MAGI1: variants seen among roughly 807,000 people sequenced by gnomAD.
The protein encoded by MAGI1 is membrane-associated guanylate kinase, WW and PDZ domain-containing protein 1.
In MAGI1, 58 loss-of-function variants were observed where a neutral mutation model predicts 139.9. The ratio of observed to expected loss-of-function variants is 0.41; its 90% CI spans 0.34 to 0.52. The LOEUF is 0.52. Among genes scored for constraint, MAGI1 ranks in the 20% least tolerant of loss-of-function variants. The pLI is 0.12. For synonymous variants in MAGI1, 812 were observed against 737.9 expected, an observed-to-expected ratio of 1.10 and a Z score of -1.63; for missense variants, 1,874 against 1,901.6, an observed-to-expected ratio of 0.99 and a Z score of 0.27.
At chr3:65,658,494 C>T (rs1041324941) in intron 1 of MAGI1, among the ~76,000 whole-genome samples, 4 of 152,192 alleles carry the variant, frequency 2.6e-5, no homozygotes, top group African/African-American at 9.7e-5. Context: ...GTAACACTGA[C>T]TGAACAACTG....
chr3:65,360,763 T>G, intron 22 of MAGI1: 2 of 1,011,956 alleles, frequency 2.0e-6, no homozygotes, highest in Non-Finnish European at 2.4e-6. Flanking sequence ...TCATGCCTCT[T>G]AAATAAAGAC....
At chr3:65,814,159 A>G (rs990201554) in intron 1 of MAGI1, among the ~76,000 whole-genome samples, 2 of 152,120 alleles carry the variant, frequency 1.3e-5, no homozygotes, top group Admixed American at 1.3e-4. Flanking sequence ...AGTAGCTGCT[A>G]AAGATATAGA....
intron 1 of MAGI1, among the ~76,000 whole-genome samples, chr3:65,759,443 T>G (rs1332742457): frequency 1.3e-5 from 2 of 152,208 alleles, no homozygotes; most frequent in Non-Finnish European, 2.9e-5. Flanking sequence ...TTGTTATTCT[T>G]ATTACTGGGA....
At chr3:65,401,270 A>G (rs1944866416) in intron 13 of MAGI1, among the ~76,000 whole-genome samples, 169 bp downstream of exon 13, 1 of 152,152 alleles carries the variant, frequency 6.6e-6, no homozygotes. Flanking sequence ...AATACCTTGT[A>G]TAACAAACAG....
intron 1 of MAGI1, chr3:65,907,633 T>G (rs893316581): frequency 1.3e-5 from 2 of 152,224 alleles, no homozygotes; most frequent in African/African-American, 4.8e-5. Context: ...CTTTTTCAGG[T>G]TGAAGTCTTC....
Position 65,900,736 on chromosome 3 carries a change from A to G in MAGI1, c.313+137260T>C, listed in dbSNP as rs2061192324. 3.3e-5 allele frequency among the ~76,000 whole-genome samples: 5 copies of G among 152,296 alleles called. No individual in the cohort carries two copies. The South Asian group carries it at 1.0e-3, about 32-fold the overall frequency. ...TACCCCTATAGGTTACAAAAGACAT[A>G]CTTTCAGCCATCATTTTCGCATAGA... On this transcript the variant is annotated intron_variant, in intron 1 of 22. Transcript: ENST00000402939.
At chr3:65,549,981 T>C (rs1362082962) in intron 2 of MAGI1, among the ~76,000 whole-genome samples, 1 of 152,206 alleles carries the variant, frequency 6.6e-6, no homozygotes, top group Non-Finnish European at 1.5e-5. Flanking sequence ...CAAAAAATTC[T>C]CTTCTGGTAC....
chr3:65,519,643 C>A (rs1254710281), intron 2 of MAGI1, among the ~76,000 whole-genome samples: 1 of 152,104 alleles, frequency 6.6e-6, no homozygotes, highest in Non-Finnish European at 1.5e-5. Context: ...TTTGGCCTGC[C>A]AAAGTGATGG....
chr3:65,847,492 A>C (rs2108372493), intron 1 of MAGI1, among the ~76,000 whole-genome samples: 1 of 152,324 alleles, frequency 6.6e-6, no homozygotes, highest in Non-Finnish European at 1.5e-5. Context: ...TATTCATATA[A>C]TTCTAACTAA....
chr3:65,821,209 G>A (rs1198406340), intron 1 of MAGI1, among the ~76,000 whole-genome samples: 1 of 152,118 alleles, frequency 6.6e-6, no homozygotes, highest in Non-Finnish European at 1.5e-5. Flanking sequence ...GAAACAAAGT[G>A]ATCTTAACCA....
intron 1 of MAGI1, among the ~76,000 whole-genome samples, chr3:65,998,756 AG>A (rs1447240292): frequency 6.6e-6 from 1 of 152,064 alleles, no homozygotes; most frequent in Non-Finnish European, 1.5e-5. Flanking sequence ...CAAGCCCATA[AG>A]ATACCAATTT....
At position 65,746,641 on chromosome 3, in the gene MAGI1, C is replaced by T. The variant is rs569981797; in HGVS notation, c.314-124553G>A. Among the ~76,000 whole-genome samples the T allele has an allele frequency of 9.2e-5, 14 of 152,236 alleles. 1 individual carries two copies. In the South Asian group the frequency reaches 2.7e-3, roughly 29 times the overall value. On this transcript the variant is annotated intron_variant, in intron 1 of 22. Transcript: ENST00000402939. ...ATTCACTCGGCACATCTAGTGAGCA[C>T]AAACTACCCTTGCTGATGACATGGA...
intron 1 of MAGI1, among the ~76,000 whole-genome samples, chr3:65,672,579 G>A (rs904312663): frequency 1.3e-5 from 2 of 152,162 alleles, no homozygotes; most frequent in Non-Finnish European, 2.9e-5. Flanking sequence ...TGAAGAGGGG[G>A]AAAAACATCC....
intron 1 of MAGI1, among the ~76,000 whole-genome samples, chr3:65,915,815 C>A (rs2061874307): frequency 6.6e-6 from 1 of 151,950 alleles, no homozygotes; most frequent in Admixed American, 6.6e-5. Flanking sequence ...CAAAGCAGTT[C>A]ATTTGTGCTT....
intron 3 of MAGI1, among the ~76,000 whole-genome samples, chr3:65,489,980 G>A (rs1951889710): frequency 6.6e-6 from 1 of 152,188 alleles, no homozygotes; most frequent in Non-Finnish European, 1.5e-5. Flanking sequence ...AACCAGCAGA[G>A]GTCTGGAGAA....
Position 65,816,523 on chromosome 3 carries a change from G to A in MAGI1, c.314-194435C>T, listed in dbSNP as rs137930017. Among the ~76,000 whole-genome samples, 31 of 151,932 alleles carry A rather than the reference G, an allele frequency of 2.0e-4. 1 individual carries two copies. Among genetic ancestry groups the A allele is most frequent in the Non-Finnish European group, 2.6e-4 (18 of 68,026 alleles). On this transcript the variant is annotated intron_variant, in intron 1 of 22. Coordinates refer to ENST00000402939, the MANE Select transcript of MAGI1 (RefSeq NM_001033057.2). ...AAATGTGTCAACTGAGATGTTGACC[G>A]TAAACAAAGTGGCAAGTACATGAGC...
chr3:65,888,419 C>T (rs2060615143), intron 1 of MAGI1, among the ~76,000 whole-genome samples: 1 of 152,092 alleles, frequency 6.6e-6, no homozygotes, highest in Non-Finnish European at 1.5e-5. Context: ...ATTCAAGAGG[C>T]CCATTATAAA....
chr3:65,364,099 C>T (rs1231398963), intron 20 of MAGI1, among the ~76,000 whole-genome samples: 2 of 137,770 alleles, frequency 1.5e-5, no homozygotes, highest in Non-Finnish European at 3.0e-5. Context: ...GAGGCTGAGA[C>T]AGGATGATTG....
intron 1 of MAGI1, among the ~76,000 whole-genome samples, chr3:66,024,214 C>A (rs147534777): frequency 1.3e-5 from 2 of 150,392 alleles, no homozygotes; most frequent in East Asian, 2.0e-4. Flanking sequence ...AGCTTGTCAT[C>A]TGAGGACCAA....
Sources: allele counts gnomAD v4.1 joint callset (sites outside exome capture counted in the v4.1 genomes callset), GRCh38; gene constraint gnomAD v4.1.1; transcripts MANE v1.5; gene names NCBI Gene and HGNC (gene_info 2026-07-23, HGNC 2026-07-21).